NRG3: variants seen among roughly 807,000 people sequenced by gnomAD.
The protein encoded by NRG3 is neuregulin 3, also known as pro-neuregulin-3, membrane-bound isoform.
In NRG3, 31 loss-of-function variants were observed where a neutral mutation model predicts 66.9. That is an observed-to-expected ratio of 0.46 (90% CI 0.35 to 0.63). NRG3 has a LOEUF of 0.63. NRG3 is among the 20% of genes least tolerant of loss of function. The pLI, the probability that NRG3 is intolerant of heterozygous loss-of-function variation, is 0.00. For missense variants in NRG3, 910 were observed against 878.9 expected, an observed-to-expected ratio of 1.04 and a Z score of -0.45; for synonymous variants, 393 against 359.4, an observed-to-expected ratio of 1.09 and a Z score of -1.06.
In NRG3 at chr10:82,720,572, A is replaced by C. The variant is rs141090459; in HGVS notation, c.954-18005A>C. Among the ~76,000 whole-genome samples the C allele has an allele frequency of 3.8e-3, 585 of 152,048 alleles. 4 individuals carry two copies. The highest frequency in any genetic ancestry group is 5.3e-3 in the Non-Finnish European group (361 of 67,982). On this transcript the variant is annotated intron_variant, in intron 2 of 8. Transcript: ENST00000372141. ...GCCCTAGAACACCGAGGTTGATTCA[A>C]CTTCAATCTCTAAACCTACAAAATA...
At chr10:82,903,967 G>A (rs910501522) in intron 4 of NRG3, among the ~76,000 whole-genome samples, 9 of 152,104 alleles carry the variant, frequency 5.9e-5, no homozygotes, top group Non-Finnish European at 1.0e-4. Context: ...GTTGACTCTG[G>A]TTACTGTACA....
chr10:82,583,543 A>G (rs1455129822), intron 2 of NRG3, among the ~76,000 whole-genome samples: 1 of 152,144 alleles, frequency 6.6e-6, no homozygotes, highest in Non-Finnish European at 1.5e-5. Flanking sequence ...CTACTTGTAA[A>G]CCTATGTCTT....
In NRG3 at chr10:82,951,486, C is replaced by T. The variant is rs749729597; in HGVS notation, c.1072C>T (p.Gln358Ter). 6.2e-7 allele frequency: 1 copy of T among 1,613,812 alleles called. No individual in the cohort carries two copies. Among genetic ancestry groups the T allele is most frequent in the Non-Finnish European group, 8.5e-7 (1 of 1,179,744 alleles). The stretch of plus-strand genomic sequence containing the variant: ...ATTCACAGAGAGTGAAGAAGTTTAT[C>T]AAAGGCAGGTGCTGTCAATTTCATG... ...IEFMESEEVY[Q>*]RQVLSISCII... Residue 358 changes from glutamine (Q) to a stop codon, truncating the protein, a stop_gained, in exon 5 of 9, where the codon CAA (glutamine) becomes TAA (stop). Transcript: ENST00000372141. LOFTEE classifies it high-confidence loss of function.
At chr10:82,794,543 T>C (rs1003391692) in intron 3 of NRG3, among the ~76,000 whole-genome samples, 3 of 152,146 alleles carry the variant, frequency 2.0e-5, no homozygotes, top group African/African-American at 4.8e-5. Context: ...GTTTACTCCC[T>C]AAAGGCTTAT....
At chr10:81,953,916 T>A (rs548800171) in intron 1 of NRG3, among the ~76,000 whole-genome samples, 3 of 152,328 alleles carry the variant, frequency 2.0e-5, no homozygotes, top group African/African-American at 7.2e-5. Flanking sequence ...TTTCAACTTT[T>A]TAATCTGAAT....
intron 2 of NRG3, among the ~76,000 whole-genome samples, chr10:82,645,283 C>A (rs1246910455): frequency 6.6e-6 from 1 of 152,178 alleles, no homozygotes; most frequent in African/African-American, 2.4e-5. Context: ...TCCTCCAGCA[C>A]TTTCTGTAAG....
chr10:82,203,798 A>T (rs926306687), intron 1 of NRG3, among the ~76,000 whole-genome samples: 1 of 152,158 alleles, frequency 6.6e-6, no homozygotes, highest in Non-Finnish European at 1.5e-5. Flanking sequence ...TGAAAGTTGG[A>T]TGGGTCAAAT....
At chr10:82,359,383 C>T (rs181281755) in intron 2 of NRG3, among the ~76,000 whole-genome samples, 2 of 152,256 alleles carry the variant, frequency 1.3e-5, no homozygotes, top group Admixed American at 1.3e-4. Flanking sequence ...TTTTTCTTAA[C>T]ACCTCTGATG....
chr10:82,135,924 A>T (rs2069309947), intron 1 of NRG3, among the ~76,000 whole-genome samples: 1 of 152,100 alleles, frequency 6.6e-6, no homozygotes, highest in South Asian at 2.1e-4. Context: ...TAGGCATTGA[A>T]GAGTTGGGTA....
At chr10:82,473,544 A>C (rs1841472788) in intron 2 of NRG3, among the ~76,000 whole-genome samples, 1 of 152,210 alleles carries the variant, frequency 6.6e-6, no homozygotes, top group African/African-American at 2.4e-5. Flanking sequence ...AAATTGGCAA[A>C]GGTATACAGC....
intron 2 of NRG3, among the ~76,000 whole-genome samples, chr10:82,450,664 T>A (rs936000824): frequency 1.3e-5 from 2 of 152,178 alleles, no homozygotes; most frequent in African/African-American, 4.8e-5. Flanking sequence ...TCTGCTCAGG[T>A]GGATTTTTAA....
chr10:82,776,868 A>G (rs896567298), intron 3 of NRG3, among the ~76,000 whole-genome samples: 11 of 152,034 alleles, frequency 7.2e-5, no homozygotes, highest in Admixed American at 7.2e-4. Context: ...CTTGTATATC[A>G]TGAATTCCCT....
intron 2 of NRG3, among the ~76,000 whole-genome samples, chr10:82,572,628 T>C (rs1290552372): frequency 2.0e-5 from 3 of 151,664 alleles, no homozygotes; most frequent in African/African-American, 7.3e-5. Context: ...TTGTTTAGGT[T>C]TCTTCTTTTA....
At chr10:82,778,681 T>C (rs1263766143) in intron 3 of NRG3, among the ~76,000 whole-genome samples, 2 of 152,108 alleles carry the variant, frequency 1.3e-5, no homozygotes, top group East Asian at 3.9e-4. Flanking sequence ...CTGTGGCTGC[T>C]TTCTGGCTCA....
intron 2 of NRG3, among the ~76,000 whole-genome samples, chr10:82,578,103 C>CAA: frequency 6.6e-6 from 1 of 151,396 alleles, no homozygotes; most frequent in South Asian, 2.1e-4. Flanking sequence ...GTGATCAGGG[C>CAA]TGCAGTCACC....
At chr10:82,642,514 A>T (rs1448842077) in intron 2 of NRG3, among the ~76,000 whole-genome samples, 1 of 152,002 alleles carries the variant, frequency 6.6e-6, no homozygotes, top group Non-Finnish European at 1.5e-5. Context: ...TCTAGATCCA[A>T]CTACTAATTT....
intron 2 of NRG3, among the ~76,000 whole-genome samples, chr10:82,412,237 G>A (rs2088150260): frequency 6.6e-6 from 1 of 152,088 alleles, no homozygotes. Flanking sequence ...TATAATGATA[G>A]GTAAATGTAG....
intron 1 of NRG3, among the ~76,000 whole-genome samples, chr10:81,966,045 A>G (rs1013946576): frequency 1.3e-5 from 2 of 151,970 alleles, no homozygotes; most frequent in African/African-American, 2.4e-5. Context: ...ACTTTTATCA[A>G]TTTAAGTAGT....
intron 1 of NRG3, among the ~76,000 whole-genome samples, chr10:82,228,645 A>G (rs1168975503): frequency 3.9e-5 from 6 of 152,180 alleles, no homozygotes; most frequent in African/African-American, 1.2e-4. Context: ...AGACTTTTGG[A>G]CTTAAAATGG....
Sources: gnomAD v4.1 joint callset for allele counts (sites outside exome capture counted in the v4.1 genomes callset) on GRCh38, gnomAD v4.1.1 for gene constraint, MANE v1.5 for transcripts, NCBI Gene and HGNC (gene_info 2026-07-23, HGNC 2026-07-21) for gene names.